Variants in MCF2L observed in about 807,000 individuals in gnomAD.
The protein encoded by MCF2L is MCF.2 cell line derived transforming sequence like.
Under a neutral mutation model 153.4 loss-of-function variants are expected in MCF2L, and 97 were observed. The ratio of observed to expected loss-of-function variants is 0.63; its 90% CI spans 0.54 to 0.75. MCF2L has a LOEUF of 0.75. Among genes scored for constraint, MCF2L ranks in the 30% least tolerant of loss-of-function variants. MCF2L has a pLI of 0.00. For synonymous variants in MCF2L, 659 were observed against 632.2 expected (o/e 1.04, Z -0.64); for missense variants, 1,347 against 1,495.2 (o/e 0.90, Z 1.64).
chr13:112,987,812 G>A lies in MCF2L; in HGVS notation c.79+18354G>A, dbSNP rs777999199. On this transcript the variant is annotated intron_variant, in intron 1 of 29. Coordinates refer to ENST00000535094, the MANE Select transcript of MCF2L (RefSeq NM_001112732.3). ...GTGGGAAGTACCCATGAGCACCATC[G>A]CTGTGGGCGGACAGTGATGGGATTG... 3.4e-4 allele frequency among the ~76,000 whole-genome samples: 51 copies of A among 152,232 alleles called. 1 individual carries two copies. Among genetic ancestry groups the A allele is most frequent in the Admixed American group, 2.0e-4 (3 of 15,288 alleles).
Position 113,095,048 on chromosome 13 carries a change from A to G in MCF2L, c.3075+413A>G, listed in dbSNP as rs772228005. On this transcript the variant is annotated intron_variant, in intron 27 of 29. Transcript: ENST00000535094. Reference sequence around the variant, plus strand: ...GACAGTCCCCACCCCCCTACCCTTTATGTCATAGAATGCTGTCACTGAGCC... The same window carrying G: ...GACAGTCCCCACCCCCCTACCCTTTGTGTCATAGAATGCTGTCACTGAGCC... 5.3e-5 allele frequency: 73 copies of G among 1,369,796 alleles called. 2 individuals carry two copies. In the South Asian group the frequency reaches 7.8e-4, roughly 15 times the overall value. 84.9% of individuals were successfully genotyped at this position (1,369,796 alleles called of 1,614,324 possible). A position where few individuals can be genotyped will look rare whatever the true frequency, so the allele number is the denominator to read the frequency against.
rs570736239 is a variant in MCF2L, at chr13:113,024,637, TC to T, written c.164-3del. ...CGGCTAAGGGTCTGCCTCTGGTCTC[TC>T]CCCAGGTGGGCGGGGGCAGGACGGA... On this transcript the variant is annotated splice_polypyrimidine_tract_variant and splice_region_variant and intron_variant, in intron 2 of 29. Coordinates refer to ENST00000535094, the MANE Select transcript of MCF2L (RefSeq NM_001112732.3). 68 of 1,604,168 alleles carry T rather than the reference TC, an allele frequency of 4.2e-5. 1 individual carries two copies. The African/African-American group carries it at 8.0e-4, about 19-fold the overall frequency.
At chr13:113,095,931 A>G in intron 27 of MCF2L, 1 of 532,994 alleles carries the variant, frequency 1.9e-6, no homozygotes, top group Non-Finnish European at 2.6e-6. Context: ...GTGAGGAGAG[A>G]AAGAGGAGTG....
intron 1 of MCF2L, among the ~76,000 whole-genome samples, chr13:113,012,391 G>T (rs527466960): frequency 2.8e-5 from 3 of 105,368 alleles, no homozygotes; most frequent in Non-Finnish European, 4.2e-5. Context: ...CAGTGTGGAC[G>T]GTGGACACTG....
At position 113,028,363 on chromosome 13, in the gene MCF2L, C is replaced by T. The variant is rs1237381566; in HGVS notation, c.278+3605C>T. 3.9e-5 allele frequency among the ~76,000 whole-genome samples: 6 copies of T among 152,180 alleles called. No individual in the cohort carries two copies. The highest frequency in any genetic ancestry group is 5.9e-5 in the Non-Finnish European group (4 of 68,034). ...TCATGTGTGCACGCCTCTGTTTATCCGATGTTCTGGAACCTTCCATGGCCT... is the reference window on the plus strand; with the variant it reads ...TCATGTGTGCACGCCTCTGTTTATCTGATGTTCTGGAACCTTCCATGGCCT... On this transcript the variant is annotated intron_variant, in intron 3 of 29. Transcript: ENST00000535094. The surrounding 1 kb of genome is among the most constrained non-coding windows in gnomAD (Gnocchi z 5.4).
intron 4 of MCF2L, among the ~76,000 whole-genome samples, chr13:113,051,126 T>A (rs1264353877): frequency 6.6e-6 from 1 of 152,168 alleles, no homozygotes; most frequent in African/African-American, 2.4e-5. Flanking sequence ...CCCCCCGTGG[T>A]GGACAGAAGG....
intron 2 of MCF2L, among the ~76,000 whole-genome samples, chr13:112,914,876 T>C (rs2140537863): frequency 6.6e-6 from 1 of 152,314 alleles, no homozygotes; most frequent in East Asian, 1.9e-4. Flanking sequence ...CTTTCCTTTT[T>C]TTTTTTCTTT....
At chr13:113,048,911 G>A (rs2087015704) in intron 4 of MCF2L, among the ~76,000 whole-genome samples, 1 of 152,228 alleles carries the variant, frequency 6.6e-6, no homozygotes, top group African/African-American at 2.4e-5. Context: ...GGCAGGGGCA[G>A]CAGGGAGCAG....
At chr13:113,036,694 G>A (rs545646728) in intron 3 of MCF2L, among the ~76,000 whole-genome samples, 66 of 149,140 alleles carry the variant, frequency 4.4e-4, no homozygotes, top group East Asian at 8.5e-4. Context: ...CTCTGAGCTC[G>A]CGCCTTTCTT....
intron 25 of MCF2L, among the ~76,000 whole-genome samples, chr13:113,088,943 C>T (rs573437923): frequency 2.0e-5 from 3 of 152,346 alleles, no homozygotes; most frequent in East Asian, 1.9e-4. Context: ...AGCTGGGAGC[C>T]GGCACTGATG....
chr13:113,060,798 G>T, intron 5 of MCF2L, 86 bp downstream of exon 5: 1 of 1,561,498 alleles, frequency 6.4e-7, no homozygotes, highest in South Asian at 1.1e-5. Context: ...AATCCTCGAG[G>T]AGCTGACTTC....
chr13:113,061,715 C>CCTCCCTCTTCCCTTTCCCCTCCGTTCCCT (rs1317191711), intron 5 of MCF2L, among the ~76,000 whole-genome samples: 1 of 88,822 alleles, frequency 1.1e-5, no homozygotes, highest in Non-Finnish European at 2.4e-5. Context: ...CTTGCCCTCC[C>CCTCCCTCTTCCCTTTCCCCTCCGTTCCCT]CTCCCCCTTG....
intron 2 of MCF2L, among the ~76,000 whole-genome samples, chr13:112,918,118 A>G (rs1187085734): frequency 1.3e-5 from 2 of 152,206 alleles, no homozygotes; most frequent in Admixed American, 6.5e-5. Context: ...TCTCTGAGTC[A>G]TTGTGCTGCC....
intron 2 of MCF2L, among the ~76,000 whole-genome samples, chr13:113,017,322 C>T (rs1160817672): frequency 6.6e-6 from 1 of 152,196 alleles, no homozygotes; most frequent in African/African-American, 2.4e-5. Context: ...GCTCCTCCTG[C>T]TTTGGGGACG....
intron 26 of MCF2L, among the ~76,000 whole-genome samples, chr13:113,093,163 G>A (rs944978110): frequency 1.4e-4 from 21 of 152,260 alleles, no homozygotes; most frequent in Admixed American, 1.2e-3. Context: ...CCCTGCTGCT[G>A]TAGAGGAGGC....
At chr13:112,917,116 C>T (rs1197475225) in intron 2 of MCF2L, 1 of 471,160 alleles carries the variant, frequency 2.1e-6, no homozygotes, top group Non-Finnish European at 4.4e-6. Context: ...GTACTCAGCC[C>T]CTCGGCGATC....
At chr13:113,010,665 G>A (rs1251499723) in intron 1 of MCF2L, among the ~76,000 whole-genome samples, 1 of 152,234 alleles carries the variant, frequency 6.6e-6, no homozygotes, top group Non-Finnish European at 1.5e-5. Context: ...GAATGGACGG[G>A]GCAGCCTCTG....
chr13:112,895,648 G>C (rs777025409), intron 1 of MCF2L, among the ~76,000 whole-genome samples: 1 of 152,186 alleles, frequency 6.6e-6, no homozygotes, highest in African/African-American at 2.4e-5. Flanking sequence ...ACGGGACCCC[G>C]GGAGCCTGTG....
rs534549327 is a variant in MCF2L at position 113,028,111 on chromosome 13, A to C, written c.278+3353A>C. Among the ~76,000 whole-genome samples the C allele has an allele frequency of 2.6e-5, 4 of 152,128 alleles. No individual in the cohort carries two copies. Among genetic ancestry groups the C allele is most frequent in the Non-Finnish European group, 4.4e-5 (3 of 68,030 alleles). ...ATCAGGGCTGTTGTCAGTGCTTGCTACTTGGAGCCATGAGCTGGGGCGCCT... is the reference window on the plus strand; with the variant it reads ...ATCAGGGCTGTTGTCAGTGCTTGCTCCTTGGAGCCATGAGCTGGGGCGCCT... On this transcript the variant is annotated intron_variant, in intron 3 of 29. Coordinates refer to ENST00000535094, the MANE Select transcript of MCF2L (RefSeq NM_001112732.3). The surrounding 1 kb of genome is among the most constrained non-coding windows in gnomAD (Gnocchi z 5.4).
Sources: gnomAD v4.1 joint callset for allele counts (sites outside exome capture counted in the v4.1 genomes callset) on GRCh38, gnomAD v4.1.1 for gene constraint, Gnocchi (gnomAD v3.1) non-coding constraint, MANE v1.5 for transcripts, NCBI Gene and HGNC (gene_info 2026-07-23, HGNC 2026-07-21) for gene names.